The following GNAL variants were observed in gnomAD, a reference collection of about 807,000 sequenced individuals.
GNAL encodes G protein subunit alpha L, also known as guanine nucleotide-binding protein G(olf) subunit alpha.
In GNAL, 18 loss-of-function variants were observed where a neutral mutation model predicts 55.1. That is an observed-to-expected ratio of 0.33 (90% CI 0.23 to 0.48). The LOEUF (loss-of-function observed/expected upper bound fraction) is 0.48, where lower values mean the gene tolerates loss of function less well. GNAL is among the 20% of genes least tolerant of loss of function. GNAL has a pLI of 0.99. For missense variants in GNAL, 412 were observed against 614.1 expected (o/e 0.67, Z 3.48); for synonymous variants, 253 against 237.0 (o/e 1.07, Z -0.62).
chr18:11,840,995 C>T (rs187116313), intron 5 of GNAL, among the ~76,000 whole-genome samples: 11 of 151,656 alleles, frequency 7.3e-5, no homozygotes, highest in Non-Finnish European at 4.4e-5. Flanking sequence ...ACCTCAGCCA[C>T]CTGAATAGCC....
At chr18:11,795,390 CAA>C (rs752221474) in intron 4 of GNAL, among the ~76,000 whole-genome samples, 47 of 68,244 alleles carry the variant, frequency 6.9e-4, no homozygotes, top group East Asian at 3.7e-3. Flanking sequence ...GACCCTGTCT[CAA>C]AAAAAAAAAA....
intron 1 of GNAL, among the ~76,000 whole-genome samples, chr18:11,715,885 G>GAA (rs958993006): frequency 1.4e-5 from 2 of 142,118 alleles, no homozygotes; most frequent in African/African-American, 5.2e-5. Flanking sequence ...ATGAACATAT[G>GAA]AAAAAAAAAA....
chr18:11,867,491 C>T (rs2036290521), intron 8 of GNAL, among the ~76,000 whole-genome samples: 1 of 151,882 alleles, frequency 6.6e-6, no homozygotes, highest in Non-Finnish European at 1.5e-5. Context: ...CCAGCCTGGC[C>T]AACATGTCGA....
intron 1 of GNAL, among the ~76,000 whole-genome samples, chr18:11,710,539 A>T (rs1335474910): frequency 6.6e-6 from 1 of 151,786 alleles, no homozygotes; most frequent in Non-Finnish European, 1.5e-5. Flanking sequence ...GTATGCTTTC[A>T]TTTCAACTTG....
chr18:11,771,477 C>G (rs1450006430), intron 4 of GNAL, among the ~76,000 whole-genome samples: 4 of 151,966 alleles, frequency 2.6e-5, no homozygotes, highest in Non-Finnish European at 5.9e-5. Context: ...ATTGGAAATA[C>G]TAAGCTGAAT....
At chr18:11,744,040 A>G (rs1280462307) in intron 1 of GNAL, among the ~76,000 whole-genome samples, 1 of 152,186 alleles carries the variant, frequency 6.6e-6, no homozygotes, top group African/African-American at 2.4e-5. Context: ...GACATATTCA[A>G]TGGCCTTTCC....
At chr18:11,811,912 C>T (rs1212875054) in intron 4 of GNAL, among the ~76,000 whole-genome samples, 1 of 152,150 alleles carries the variant, frequency 6.6e-6, no homozygotes, top group Non-Finnish European at 1.5e-5. Flanking sequence ...GAAGCAAAGA[C>T]TAAAGTCGTG....
intron 1 of GNAL, among the ~76,000 whole-genome samples, chr18:11,744,520 AAAG>A (rs777646930): frequency 6.6e-5 from 10 of 152,304 alleles, no homozygotes; most frequent in Non-Finnish European, 1.5e-4. Flanking sequence ...CTAAGAAAAA[AAAG>A]AGAGATAAAA....
chr18:11,726,122 G>T (rs759782113), intron 1 of GNAL, among the ~76,000 whole-genome samples: 5 of 152,188 alleles, frequency 3.3e-5, no homozygotes, highest in Admixed American at 6.5e-5. Context: ...GTCTGTTGTT[G>T]CACCAGATCA....
At chr18:11,703,452 A>C (rs1567991511) in intron 1 of GNAL, among the ~76,000 whole-genome samples, 1 of 152,250 alleles carries the variant, frequency 6.6e-6, no homozygotes, top group Non-Finnish European at 1.5e-5. Context: ...TGTGCTGAAA[A>C]GAACCAATAA....
chr18:11,845,214 A>C (rs527594950), intron 5 of GNAL, among the ~76,000 whole-genome samples: 12 of 152,338 alleles, frequency 7.9e-5, no homozygotes, highest in African/African-American at 2.2e-4. Context: ...GTTAAACATA[A>C]AAATTACGTA....
chr18:11,773,230 C>T (rs1271141356), intron 4 of GNAL, among the ~76,000 whole-genome samples: 1 of 152,228 alleles, frequency 6.6e-6, no homozygotes, highest in East Asian at 1.9e-4. Context: ...CATAGTTACC[C>T]ATTTTTTGTG....
At chr18:11,880,206 G>C (rs7240878) in intron 11 of GNAL, among the ~76,000 whole-genome samples, 3 of 150,506 alleles carry the variant, frequency 2.0e-5, no homozygotes, top group African/African-American at 7.3e-5. Context: ...GCAGTGAGCC[G>C]AGATGGCACC....
intron 5 of GNAL, among the ~76,000 whole-genome samples, chr18:11,830,761 T>C (rs1308560603): frequency 2.0e-5 from 3 of 152,158 alleles, no homozygotes; most frequent in Non-Finnish European, 2.9e-5. Flanking sequence ...AGACAAAACG[T>C]GATACATCCA....
chr18:11,818,749 C>G (rs973587741), intron 4 of GNAL, among the ~76,000 whole-genome samples: 1 of 152,156 alleles, frequency 6.6e-6, no homozygotes, highest in Non-Finnish European at 1.5e-5. Context: ...ACAGTGAACT[C>G]AGTGACGTAA....
chr18:11,842,372 T>A (rs1311488666), intron 5 of GNAL, among the ~76,000 whole-genome samples: 1 of 152,180 alleles, frequency 6.6e-6, no homozygotes, highest in African/African-American at 2.4e-5. Flanking sequence ...TATTTTTCCA[T>A]GGACCGTGGT....
intron 5 of GNAL, among the ~76,000 whole-genome samples, chr18:11,827,680 TTCTTTAAA>T (rs2143666407): frequency 6.6e-6 from 1 of 151,752 alleles, no homozygotes; most frequent in South Asian, 2.1e-4. Context: ...CTTCAAGATT[TTCTTTAAA>T]TAGCTGGGTG....
intron 5 of GNAL, chr18:11,851,293 C>T (rs1001141044): frequency 1.9e-6 from 1 of 536,516 alleles, no homozygotes; most frequent in Non-Finnish European, 3.2e-6. Context: ...ATGCGCAGCC[C>T]CTGGCGTCTT....
At chr18:11,834,344 G>T (rs77723282) in intron 5 of GNAL, among the ~76,000 whole-genome samples, 5 of 152,020 alleles carry the variant, frequency 3.3e-5, no homozygotes, top group African/African-American at 1.2e-4. Context: ...GCAAAAATGG[G>T]GTCTTTTGTT....
Sources: allele counts gnomAD v4.1 joint callset (sites outside exome capture counted in the v4.1 genomes callset), GRCh38; gene constraint gnomAD v4.1.1; transcripts MANE v1.5; gene names NCBI Gene and HGNC (gene_info 2026-07-23, HGNC 2026-07-21).